The following WASF1 variants were observed in gnomAD, a reference collection of about 807,000 sequenced individuals.
The protein encoded by WASF1 is WASP family member 1, also known as actin-binding protein WASF1.
WASF1 carries 7 observed loss-of-function variants against 50.5 expected under a neutral mutation model. The observed-to-expected ratio is 0.14, with a 90% CI of 0.08 to 0.26. The LOEUF is 0.26. Ranked by LOEUF, WASF1 falls within the 10% of genes least tolerant of loss-of-function variation. WASF1 has a pLI of 1.00. For synonymous variants in WASF1, 205 were observed against 244.0 expected (o/e 0.84, Z 1.49); for missense variants, 470 against 694.7 (o/e 0.68, Z 3.64).
At chr6:110,173,528 A>C (rs1203329468) in intron 2 of WASF1, among the ~76,000 whole-genome samples, 1 of 152,130 alleles carries the variant, frequency 6.6e-6, no homozygotes, top group Non-Finnish European at 1.5e-5. Flanking sequence ...CCTTGAGCAA[A>C]TTACTTGATC....
At chr6:110,170,992 A>G (rs1053969594) in intron 2 of WASF1, among the ~76,000 whole-genome samples, 1 of 152,216 alleles carries the variant, frequency 6.6e-6, no homozygotes, top group African/African-American at 2.4e-5. Context: ...GATCACAGCT[A>G]GAGATATCAA....
Position 110,105,355 on chromosome 6 carries a change from C to A in WASF1, c.713+52G>T, listed in dbSNP as rs376406451. On this transcript the variant is annotated intron_variant, in intron 8 of 10. Transcript: ENST00000392589. Reference sequence around the variant, plus strand: ...TCAAGACTTAGAAGTACAGATACTACAAATAAAGCCAATGTTTTATCATTT... The same window carrying A: ...TCAAGACTTAGAAGTACAGATACTAAAAATAAAGCCAATGTTTTATCATTT... 21 of 1,524,756 alleles carry A rather than the reference C, an allele frequency of 1.4e-5. No individual in the cohort carries two copies. The African/African-American group carries it at 3.0e-4, about 21-fold the overall frequency. 94.5% of individuals were successfully genotyped at this position (1,524,756 alleles called of 1,614,324 possible).
chr6:110,162,091 A>G (rs1487429664), intron 2 of WASF1, among the ~76,000 whole-genome samples: 1 of 151,566 alleles, frequency 6.6e-6, no homozygotes, highest in African/African-American at 2.4e-5. Context: ...CAGTGAATAT[A>G]TTTTAAGAAA....
rs140131633 is a variant in WASF1, at chr6:110,174,118, C to T, written c.-127+4480G>A. Among the ~76,000 whole-genome samples the T allele has an allele frequency of 1.8e-3, 275 of 152,238 alleles. 2 individuals are homozygous for T. The highest frequency in any genetic ancestry group is 6.4e-3 in the African/African-American group (266 of 41,566). The stretch of plus-strand genomic sequence containing the variant: ...TCTGTTTACCTCTGCAACCTCATAT[C>T]AAGTCACAATCCCTCTTACACTAAG... On this transcript the variant is annotated intron_variant, in intron 2 of 10. Coordinates refer to ENST00000392589, the MANE Select transcript of WASF1 (RefSeq NM_003931.3).
intron 2 of WASF1, among the ~76,000 whole-genome samples, chr6:110,161,461 A>G (rs1211400179): frequency 6.6e-6 from 1 of 151,546 alleles, no homozygotes; most frequent in African/African-American, 2.4e-5. Flanking sequence ...TTATACTCAC[A>G]TGAGCCTCTT....
In WASF1 at chr6:110,160,680, T is replaced by A. The variant is rs1307437221; in HGVS notation, c.-74A>T. On this transcript the variant is annotated 5_prime_UTR_variant, in exon 3 of 11. The change creates a premature stop within an existing upstream ORF in the 5' untranslated region. Transcript: ENST00000392589. ...TGCAGCCATAGCTTCCACTGCAACT[T>A]TACTCCAACAGCTATCATCAACAGT... 1.3e-5 allele frequency: 2 copies of A among 151,764 alleles called. No homozygotes were observed. Among genetic ancestry groups the A allele is most frequent in the Admixed American group, 6.6e-5 (1 of 15,198 alleles). The allele number at this position is 151,764 out of a possible 1,614,324, so 9.4% of individuals were successfully genotyped here.
At chr6:110,165,420 A>C (rs1776435075) in intron 2 of WASF1, among the ~76,000 whole-genome samples, 1 of 151,700 alleles carries the variant, frequency 6.6e-6, no homozygotes, top group African/African-American at 2.4e-5. Flanking sequence ...ACACTTTCAA[A>C]TGATTAAAAT....
At chr6:110,111,267 T>A (rs1443138476) in intron 5 of WASF1, among the ~76,000 whole-genome samples, 1 of 152,168 alleles carries the variant, frequency 6.6e-6, no homozygotes, top group South Asian at 2.1e-4. Flanking sequence ...TTTGAAAGCA[T>A]GACCATAAAA....
chr6:110,143,071 GTAAAC>G (rs1274016317), intron 3 of WASF1, among the ~76,000 whole-genome samples: 1 of 151,014 alleles, frequency 6.6e-6, no homozygotes, highest in African/African-American at 2.4e-5. Flanking sequence ...TTGAGAGTAC[GTAAAC>G]TAAAGAATAT....
chr6:110,169,252 T>A (rs569549981), intron 2 of WASF1, among the ~76,000 whole-genome samples: 2 of 152,250 alleles, frequency 1.3e-5, no homozygotes, highest in East Asian at 1.9e-4. Context: ...TCCTGTGCTA[T>A]CAGTCTGCCA....
chr6:110,177,223 C>T (rs947443826), intron 2 of WASF1: 2 of 151,870 alleles, frequency 1.3e-5, no homozygotes, highest in Admixed American at 6.5e-5. Context: ...TAATATTTTT[C>T]GAATATATTA....
At chr6:110,141,008 G>T (rs570195312) in intron 3 of WASF1, among the ~76,000 whole-genome samples, 19 of 152,186 alleles carry the variant, frequency 1.2e-4, no homozygotes, top group African/African-American at 4.6e-4. Flanking sequence ...ATGCTACTCA[G>T]AATCACATGC....
chr6:110,113,443 T>G lies in WASF1; in HGVS notation c.151A>C (p.Ile51Leu). The G allele has an allele frequency of 6.3e-7, 1 of 1,598,404 alleles. No homozygotes were observed. The highest frequency in any genetic ancestry group is 8.5e-7 in the Non-Finnish European group (1 of 1,173,958). The change falls in exon 5 of 11, where the codon ATA becomes CTA. Residue 51 changes from isoleucine to leucine, a missense_variant. By Grantham distance (5) the Ile-to-Leu change is conservative. This residue lies in a region of WASF1 where 140 missense variants were observed against 260.5 expected (regional missense o/e 0.54). Transcript: ENST00000392589. ...GCTTCATTGAATAATTCTCCAAATATATCTTCAGCATATTTACCTAAGCAA... is the reference window on the plus strand; with the variant it reads ...GCTTCATTGAATAATTCTCCAAATAGATCTTCAGCATATTTACCTAAGCAA... ...LSSLSKYAED[I>L]FGELFNEAHS...
intron 4 of WASF1, among the ~76,000 whole-genome samples, chr6:110,119,831 G>C (rs1774006536): frequency 6.6e-6 from 1 of 152,228 alleles, no homozygotes; most frequent in Admixed American, 6.5e-5. Flanking sequence ...ACATCAAAAA[G>C]CTTATCCACC....
At position 110,113,345 on chromosome 6, in the gene WASF1, A is replaced by C. The variant is rs1215204471; in HGVS notation, c.249T>G (p.Leu83=). Residue 83 remains leucine, a synonymous_variant, in exon 5 of 11, where the codon CTT becomes CTG. Coordinates refer to ENST00000392589, the MANE Select transcript of WASF1 (RefSeq NM_003931.3). ...VDRLSVSVTQ[L]DPKEEELSLQ... ...GCTTACATTCTTCTTCCTTTGGATC[A>C]AGCTGTGTAACACTAACAGATAAAC... 17 of 1,575,968 alleles carry C rather than the reference A, an allele frequency of 1.1e-5. No individual in the cohort carries two copies. Among genetic ancestry groups the C allele is most frequent in the Non-Finnish European group, 1.5e-5 (17 of 1,164,032 alleles).
At chr6:110,148,819 C>G (rs1311416532) in intron 3 of WASF1, among the ~76,000 whole-genome samples, 1 of 152,104 alleles carries the variant, frequency 6.6e-6, no homozygotes, top group Non-Finnish European at 1.5e-5. Flanking sequence ...AGATGGTAGT[C>G]ACTTGGACTA....
chr6:110,150,385 A>G (rs1205897701), intron 3 of WASF1, among the ~76,000 whole-genome samples: 1 of 152,238 alleles, frequency 6.6e-6, no homozygotes, highest in Non-Finnish European at 1.5e-5. Context: ...AGGTTAAAGG[A>G]AGACAGTAAT....
In WASF1 at chr6:110,100,589, C is replaced by T. The variant is rs761475884; in HGVS notation, c.1613G>A (p.Arg538His). ...CGAATCACTATATTCAACAGCAATA[C>T]GGCGAGACAGGATGGTGGCAACATC... ...ENDVATILSR[R>H]IAVEYSDSED... is the part of the protein sequence containing the mutation. Residue 538 changes from arginine (R) to histidine (H), a missense_variant, in exon 11 of 11, where the codon CGT becomes CAT. Transcript: ENST00000392589. 3.1e-6 allele frequency: 5 copies of T among 1,613,678 alleles called. No homozygotes were observed. Among genetic ancestry groups the T allele is most frequent in the African/African-American group, 2.7e-5 (2 of 75,008 alleles).
chr6:110,171,337 G>C (rs1584037631), intron 2 of WASF1, among the ~76,000 whole-genome samples: 1 of 152,042 alleles, frequency 6.6e-6, no homozygotes, highest in East Asian at 1.9e-4. Context: ...AATAACACAT[G>C]GTTCAAAGTC....
Sources: allele counts gnomAD v4.1 joint callset (sites outside exome capture counted in the v4.1 genomes callset), GRCh38; gene constraint gnomAD v4.1.1; regional missense constraint gnomAD v4.1.1; transcripts MANE v1.5; gene names NCBI Gene and HGNC (gene_info 2026-07-23, HGNC 2026-07-21).